Variants in GABPB2 observed in about 807,000 individuals in gnomAD.
GABPB2 encodes GA-binding protein subunit beta-2.
GABPB2 carries 23 observed loss-of-function variants against 39.1 expected under a neutral mutation model. The observed-to-expected ratio is 0.59, with a 90% CI of 0.42 to 0.83. The LOEUF (loss-of-function observed/expected upper bound fraction) is 0.83. Ranked by LOEUF, GABPB2 falls within the 40% of genes least tolerant of loss-of-function variation. GABPB2 has a pLI of 0.00. For missense variants in GABPB2, 467 were observed against 541.1 expected (o/e 0.86, Z 1.36); for synonymous variants, 184 against 199.3 (o/e 0.92, Z 0.65).
intron 7 of GABPB2, among the ~76,000 whole-genome samples, chr1:151,117,089 T>A (rs1307631139): frequency 6.6e-6 from 1 of 152,204 alleles, no homozygotes; most frequent in Non-Finnish European, 1.5e-5. Flanking sequence ...TGAAGGGCCA[T>A]GCCTTACCTG....
Position 151,124,654 on chromosome 1 carries a change from A to G in GABPB2, c.*6398A>G, listed in dbSNP as rs1681310342. Reference sequence around the variant, plus strand: ...TCTTCTCTACTCCTTGTGCAAACCCATCTCTGGATAGCTAGAAAAGGAACT... The same window carrying G: ...TCTTCTCTACTCCTTGTGCAAACCCGTCTCTGGATAGCTAGAAAAGGAACT... On this transcript the variant is annotated 3_prime_UTR_variant, in exon 9 of 9. Transcript: ENST00000368918. 6.6e-6 allele frequency: 1 copy of G among 152,064 alleles called. No homozygotes were observed. The highest frequency in any genetic ancestry group is 1.5e-5 in the Non-Finnish European group (1 of 68,020). The allele number at this position is 152,064 out of a possible 1,614,324, so 9.4% of individuals were successfully genotyped here.
intron 4 of GABPB2, among the ~76,000 whole-genome samples, chr1:151,097,599 T>A (rs1005242866): frequency 6.6e-6 from 1 of 151,868 alleles, no homozygotes; most frequent in African/African-American, 2.4e-5. Context: ...TTGGGCAACA[T>A]GGCAAAACCC....
intron 3 of GABPB2, among the ~76,000 whole-genome samples, chr1:151,091,986 C>T (rs914836746): frequency 1.3e-5 from 2 of 151,634 alleles, no homozygotes; most frequent in African/African-American, 4.8e-5. Flanking sequence ...AGAATAGGGT[C>T]TCGTTGTATT....
At chr1:151,079,610 A>C (rs947257305) in intron 1 of GABPB2, among the ~76,000 whole-genome samples, 4 of 151,930 alleles carry the variant, frequency 2.6e-5, no homozygotes, top group Non-Finnish European at 5.9e-5. Context: ...ACTGCTCAGA[A>C]ACATTTTGCG....
chr1:151,106,684 A>C (rs1414680884), intron 6 of GABPB2, among the ~76,000 whole-genome samples: 1 of 152,204 alleles, frequency 6.6e-6, no homozygotes, highest in East Asian at 1.9e-4. Flanking sequence ...CCCTGTTGGA[A>C]AATCACAATG....
In GABPB2 at chr1:151,118,172, G is replaced by C; in HGVS notation, c.1263G>C (p.Leu421Phe). ...VDAVVVTEGE[L>F]EERETKVTGS... ...CTGTAGTAGTCACAGAGGGGGAGTT[G>C]GAAGAGAGAGAGACAAAAGTGACTG... The change falls in exon 9 of 9, where the codon TTG becomes TTC. Residue 421 changes from leucine (L) to phenylalanine (F), a missense_variant. Transcript: ENST00000368918. 1 of 1,614,110 alleles carries C rather than the reference G, an allele frequency of 6.2e-7. No homozygotes were observed. The highest frequency in any genetic ancestry group is 8.5e-7 in the Non-Finnish European group (1 of 1,180,018).
chr1:151,111,421 TC>T (rs1680416444), intron 7 of GABPB2, among the ~76,000 whole-genome samples: 1 of 146,784 alleles, frequency 6.8e-6, no homozygotes, highest in Admixed American at 6.8e-5. Context: ...ATTTTTTTTT[TC>T]TTTTTTTTCT....
intron 1 of GABPB2, among the ~76,000 whole-genome samples, chr1:151,072,359 C>T (rs368828513): frequency 6.7e-6 from 1 of 149,746 alleles, no homozygotes; most frequent in Non-Finnish European, 1.5e-5. Context: ...CCAGCCTGGG[C>T]GAAATAGGGA....
Position 151,088,216 on chromosome 1 carries a change from G to T in GABPB2, c.27G>T (p.Arg9Ser), listed in dbSNP as rs774666693. The change falls in exon 2 of 9, where the codon AGG becomes AGT. Residue 9 changes from arginine to serine, a missense_variant. By Grantham distance (110) the Arg-to-Ser change is moderately radical (BLOSUM62 -1). Coordinates refer to ENST00000368918, the MANE Select transcript of GABPB2 (RefSeq NM_144618.3). MSLVDLGK[R>S]LLEAARKGQD... The stretch of plus-strand genomic sequence containing the variant: ...TGTCTTTGGTGGACTTGGGAAAGAG[G>T]TTGCTAGAAGCAGCAAGAAAAGGCC... The T allele has an allele frequency of 3.7e-6, 6 of 1,613,950 alleles. No individual in the cohort carries two copies. Among genetic ancestry groups the T allele is most frequent in the Non-Finnish European group, 5.1e-6 (6 of 1,179,976 alleles).
intron 2 of GABPB2, among the ~76,000 whole-genome samples, chr1:151,088,682 T>C (rs1171029802): frequency 6.6e-6 from 1 of 152,202 alleles, no homozygotes; most frequent in African/African-American, 2.4e-5. Context: ...CTTGTTTCCT[T>C]TTCTCTAATA....
intron 7 of GABPB2, 81 bp downstream of exon 7, chr1:151,107,303 C>A: frequency 4.5e-6 from 4 of 896,916 alleles, no homozygotes; most frequent in Non-Finnish European, 3.0e-6. Flanking sequence ...GGCATTAAGA[C>A]AAATAGTGGA....
intron 6 of GABPB2, among the ~76,000 whole-genome samples, chr1:151,105,620 C>T (rs587698893): frequency 3.6e-4 from 55 of 151,140 alleles, no homozygotes; most frequent in Non-Finnish European, 6.9e-4. Flanking sequence ...CTCAAGTGAT[C>T]CTCCCACATC....
Position 151,117,460 on chromosome 1 carries a change from C to G in GABPB2, c.991C>G (p.Pro331Ala), listed in dbSNP as rs587663865. The G allele has an allele frequency of 1.2e-6, 2 of 1,613,652 alleles. No individual in the cohort carries two copies. Among genetic ancestry groups the G allele is most frequent in the African/African-American group, 2.7e-5 (2 of 75,004 alleles). The part of the protein sequence containing the change: ...VIKEEEEEKL[P>A]LTKKPRIGEK... ...TAAAGAGGAAGAAGAAGAGAAGTTG[C>G]CACTAACAAAGAAACCAAGGATAGG... Residue 331 changes from proline to alanine, a missense_variant, in exon 8 of 9, where the codon CCA becomes GCA. Pro to Ala is a conservative substitution (Grantham distance 27, BLOSUM62 -1). Coordinates refer to ENST00000368918, the MANE Select transcript of GABPB2 (RefSeq NM_144618.3).
intron 1 of GABPB2, among the ~76,000 whole-genome samples, chr1:151,080,238 A>C (rs1037640235): frequency 7.5e-5 from 11 of 147,322 alleles, no homozygotes; most frequent in Non-Finnish European, 1.5e-4. Flanking sequence ...AAAAAAAAAA[A>C]AAAAAACAAT....
chr1:151,116,933 AATTGGC>A (rs1309436282), intron 7 of GABPB2, among the ~76,000 whole-genome samples: 1 of 152,014 alleles, frequency 6.6e-6, no homozygotes, highest in Non-Finnish European at 1.5e-5. Flanking sequence ...TTGATAAGCT[AATTGGC>A]CATAGGTGAC....
At chr1:151,073,804 C>G (rs1392198153) in intron 1 of GABPB2, among the ~76,000 whole-genome samples, 3 of 151,588 alleles carry the variant, frequency 2.0e-5, no homozygotes, top group Non-Finnish European at 2.9e-5. Context: ...TCTGTAGTCC[C>G]AGCTACTTGG....
At chr1:151,113,081 A>AT (rs772777459) in intron 7 of GABPB2, among the ~76,000 whole-genome samples, 34 of 147,424 alleles carry the variant, frequency 2.3e-4, no homozygotes, top group East Asian at 4.0e-4. Context: ...TAGCCCCTCA[A>AT]TTTTTTTTTT....
At chr1:151,088,863 G>C (rs139372906) in intron 2 of GABPB2, among the ~76,000 whole-genome samples, 1,816 of 152,312 alleles carry the variant, frequency 0.012, 44 homozygotes, top group African/African-American at 0.041. Flanking sequence ...AGCTGGGCAT[G>C]GTGGCGCACG....
rs111270273 is a variant in GABPB2 at position 151,115,402 on chromosome 1, CTT to C, written c.923-1975_923-1974del. On this transcript the variant is annotated intron_variant, in intron 7 of 8. Coordinates refer to ENST00000368918, the MANE Select transcript of GABPB2 (RefSeq NM_144618.3). ...AAGAAAGAAACTGGCAAACTATTTT[CTT>C]TTTTTTTTTTTTTTCAAATGGAGTC... Among the ~76,000 whole-genome samples the C allele has an allele frequency of 2.3e-3, 307 of 132,794 alleles. 3 individuals carry two copies. Among genetic ancestry groups the C allele is most frequent in the African/African-American group, 2.7e-3 (96 of 36,144 alleles). The allele number at this position is 132,794 out of a possible 152,430, so 87.1% of individuals were successfully genotyped here.
Sources: gnomAD v4.1 joint callset for allele counts (sites outside exome capture counted in the v4.1 genomes callset) on GRCh38, gnomAD v4.1.1 for gene constraint, MANE v1.5 for transcripts, NCBI Gene and HGNC (gene_info 2026-07-23, HGNC 2026-07-21) for gene names.